NT5DC1: variants seen among roughly 807,000 people sequenced by gnomAD.
NT5DC1 encodes 5'-nucleotidase domain-containing protein 1.
NT5DC1 carries 42 observed loss-of-function variants against 59.4 expected under a neutral mutation model. The observed-to-expected ratio is 0.71, with a 90% confidence interval of 0.55 to 0.92. The LOEUF is 0.92. Among genes scored for constraint, NT5DC1 ranks in the 40% least tolerant of loss-of-function variants. The probability of loss-of-function intolerance (pLI) is 0.00; values close to 1 mark genes in which losing one functional copy is unlikely to be tolerated. For synonymous variants in NT5DC1, 172 were observed against 188.1 expected (o/e 0.91, Z 0.70); for missense variants, 501 against 537.1 (o/e 0.93, Z 0.66).
At chr6:116,175,158 T>C (rs1780705807) in intron 6 of NT5DC1, among the ~76,000 whole-genome samples, 2 of 152,224 alleles carry the variant, frequency 1.3e-5, no homozygotes, top group Non-Finnish European at 2.9e-5. Context: ...TTCTGACTCA[T>C]ATATACATTT....
chr6:116,193,890 GCAAAAAATA>G (rs1372241786), intron 6 of NT5DC1, among the ~76,000 whole-genome samples: 3 of 151,806 alleles, frequency 2.0e-5, no homozygotes, highest in Non-Finnish European at 4.4e-5. Context: ...AGGCAGCATG[GCAAAAAATA>G]CAAAAAATAC....
intron 6 of NT5DC1, chr6:116,145,531 A>T: frequency 6.9e-6 from 2 of 290,006 alleles, no homozygotes; most frequent in South Asian, 3.2e-5. Context: ...TTTCATTAGA[A>T]CTCCTGTCCT....
chr6:116,240,507 T>A (rs1771690802), intron 11 of NT5DC1, among the ~76,000 whole-genome samples: 1 of 152,132 alleles, frequency 6.6e-6, no homozygotes, highest in South Asian at 2.1e-4. Context: ...AGGGGTCCCC[T>A]GCAGTTACTG....
intron 6 of NT5DC1, among the ~76,000 whole-genome samples, chr6:116,176,244 C>G (rs1473800474): frequency 6.6e-6 from 1 of 152,132 alleles, no homozygotes; most frequent in African/African-American, 2.4e-5. Flanking sequence ...GATTACTGCT[C>G]CAGCTAATGT....
intron 6 of NT5DC1, chr6:116,121,281 C>G: frequency 3.7e-6 from 6 of 1,614,026 alleles, no homozygotes; most frequent in South Asian, 1.1e-5. Context: ...CCTTTTGTTC[C>G]TGGAATCCCT....
intron 6 of NT5DC1, among the ~76,000 whole-genome samples, chr6:116,207,764 A>T (rs901034877): frequency 1.3e-5 from 2 of 151,926 alleles, no homozygotes; most frequent in African/African-American, 4.8e-5. Flanking sequence ...CCAGGTTCCC[A>T]CTGTATTTCT....
chr6:116,147,533 G>A (rs1779929671), intron 6 of NT5DC1, among the ~76,000 whole-genome samples: 1 of 151,986 alleles, frequency 6.6e-6, no homozygotes, highest in Non-Finnish European at 1.5e-5. Context: ...TATATAAGAA[G>A]TTATAAAAAG....
intron 6 of NT5DC1, among the ~76,000 whole-genome samples, chr6:116,217,161 AATATTCAGGTTGT>A (rs574587623): frequency 2.2e-3 from 334 of 152,324 alleles, no homozygotes; most frequent in Admixed American, 6.5e-3. Flanking sequence ...AACTGTTTTT[AATATTCAGGTTGT>A]ACTATACTTT....
chr6:116,228,927 A>G (rs545724831), intron 8 of NT5DC1, among the ~76,000 whole-genome samples: 4 of 152,196 alleles, frequency 2.6e-5, no homozygotes, highest in Admixed American at 2.6e-4. Flanking sequence ...GAAGCTTTTA[A>G]CTATCATCTA....
At chr6:116,231,840 T>C (rs921647131) in intron 8 of NT5DC1, among the ~76,000 whole-genome samples, 2 of 152,212 alleles carry the variant, frequency 1.3e-5, no homozygotes, top group African/African-American at 2.4e-5. Flanking sequence ...AGCTATAAAA[T>C]AGTTTAAAAA....
chr6:116,201,384 A>C (rs1174700840), intron 6 of NT5DC1, among the ~76,000 whole-genome samples: 1 of 152,006 alleles, frequency 6.6e-6, no homozygotes, highest in Non-Finnish European at 1.5e-5. Flanking sequence ...ATTTGAACAT[A>C]GTTTGTTACA....
intron 8 of NT5DC1, among the ~76,000 whole-genome samples, chr6:116,224,973 T>G (rs1781879269): frequency 6.6e-6 from 1 of 152,118 alleles, no homozygotes; most frequent in African/African-American, 2.4e-5. Flanking sequence ...GGTAGATACA[T>G]TTAAATACAT....
chr6:116,203,417 C>T (rs752948393), intron 6 of NT5DC1, among the ~76,000 whole-genome samples: 6 of 151,900 alleles, frequency 3.9e-5, no homozygotes, highest in Non-Finnish European at 5.9e-5. Flanking sequence ...AGACACCTAA[C>T]ACCACAGATT....
chr6:116,162,830 A>T (rs1328567046), intron 6 of NT5DC1, among the ~76,000 whole-genome samples: 2 of 152,138 alleles, frequency 1.3e-5, no homozygotes, highest in African/African-American at 4.8e-5. Flanking sequence ...AATTTAAAAA[A>T]TATGTATTTT....
chr6:116,149,638 G>A (rs1268740433), intron 6 of NT5DC1, among the ~76,000 whole-genome samples: 3 of 152,188 alleles, frequency 2.0e-5, no homozygotes, highest in African/African-American at 7.2e-5. Flanking sequence ...TTCCAAAAAA[G>A]CCCAAATGCC....
At position 116,100,859 on chromosome 6, in the gene NT5DC1, C is replaced by A; in HGVS notation, c.-72C>A. 8.2e-7 allele frequency: 1 copy of A among 1,222,742 alleles called. No individual in the cohort carries two copies. The highest frequency in any genetic ancestry group is 1.1e-6 in the Non-Finnish European group (1 of 880,302). The allele number at this position is 1,222,742 out of a possible 1,614,324, so 75.7% of individuals were successfully genotyped here. On this transcript the variant is annotated 5_prime_UTR_variant, in exon 1 of 12. Coordinates refer to ENST00000319550, the MANE Select transcript of NT5DC1 (RefSeq NM_152729.3). ...CCGCCGCGTCCGGCCCGGTCCTGTCCCGCAGCGTCCCGCCAGCCAGCTCCT... is the reference window on the plus strand; with the variant it reads ...CCGCCGCGTCCGGCCCGGTCCTGTCACGCAGCGTCCCGCCAGCCAGCTCCT...
chr6:116,111,836 C>A (rs1778883259), intron 4 of NT5DC1, among the ~76,000 whole-genome samples: 1 of 152,150 alleles, frequency 6.6e-6, no homozygotes, highest in Non-Finnish European at 1.5e-5. Context: ...AGATTTCACA[C>A]TGGGGTTAGA....
chr6:116,137,940 G>A (rs879375007), intron 6 of NT5DC1, among the ~76,000 whole-genome samples: 10 of 152,028 alleles, frequency 6.6e-5, no homozygotes, highest in Non-Finnish European at 1.2e-4. Flanking sequence ...TTAGCCAGGC[G>A]TGGTGGTGTG....
chr6:116,238,464 T>TA (rs56266433), intron 10 of NT5DC1, 116 bp downstream of exon 10: 5,260 of 257,356 alleles, frequency 0.02, 3 homozygotes, highest in Middle Eastern at 0.027. Context: ...ACCATCATGT[T>TA]AAAAAAAAAA....
Sources: gnomAD v4.1 joint callset for allele counts (sites outside exome capture counted in the v4.1 genomes callset) on GRCh38, gnomAD v4.1.1 for gene constraint, MANE v1.5 for transcripts, NCBI Gene and HGNC (gene_info 2026-07-23, HGNC 2026-07-21) for gene names.